The following SYT9 variants were observed in gnomAD, a reference collection of about 807,000 sequenced individuals.
The protein encoded by SYT9 is synaptotagmin-9.
Under a neutral mutation model 48.4 loss-of-function variants are expected in SYT9, and 22 were observed. The observed-to-expected ratio is 0.45, with a 90% CI of 0.32 to 0.65. The LOEUF is 0.65. SYT9 is among the 30% of genes least tolerant of loss of function. SYT9 has a pLI of 0.03. For synonymous variants in SYT9, 265 were observed against 245.0 expected (o/e 1.08, Z -0.76); for missense variants, 577 against 622.0 (o/e 0.93, Z 0.77).
upstream of SYT9, among the ~76,000 whole-genome samples, chr11:7,251,680 G>A (rs144715289): frequency 1.5e-3 from 229 of 152,300 alleles, no homozygotes; most frequent in African/African-American, 4.9e-3. Flanking sequence ...GAGGGGTGGA[G>A]TAGCGAAAGC....
chr11:7,387,055 A>T (rs1266981053), intron 3 of SYT9, among the ~76,000 whole-genome samples: 1 of 152,206 alleles, frequency 6.6e-6, no homozygotes, highest in African/African-American at 2.4e-5. Flanking sequence ...AGGACAAAAA[A>T]CCAAACACTG....
intron 1 of SYT9, among the ~76,000 whole-genome samples, chr11:7,246,791 A>T (rs1264823114): frequency 6.6e-6 from 1 of 152,178 alleles, no homozygotes; most frequent in African/African-American, 2.4e-5. Flanking sequence ...TGCTGTGCTC[A>T]TTTGTGGGCT....
At chr11:7,426,768 T>G (rs557871475) in intron 6 of SYT9, among the ~76,000 whole-genome samples, 1 of 152,242 alleles carries the variant, frequency 6.6e-6, no homozygotes, top group African/African-American at 2.4e-5. Context: ...GTGGAAACAA[T>G]ATATATCTTA....
At chr11:7,406,921 A>G (rs1456405153) in intron 3 of SYT9, among the ~76,000 whole-genome samples, 4 of 151,966 alleles carry the variant, frequency 2.6e-5, no homozygotes, top group Non-Finnish European at 2.9e-5. Context: ...ATGTGGTTTT[A>G]TTTTGCATTT....
intron 3 of SYT9, among the ~76,000 whole-genome samples, chr11:7,343,292 T>C (rs927350303): frequency 1.3e-5 from 2 of 152,220 alleles, no homozygotes; most frequent in African/African-American, 4.8e-5. Context: ...TTCCAAACTT[T>C]TATGCTGTGT....
At chr11:7,314,961 G>T (rs1048695223) in intron 3 of SYT9, among the ~76,000 whole-genome samples, 2 of 152,172 alleles carry the variant, frequency 1.3e-5, no homozygotes, top group Non-Finnish European at 2.9e-5. Context: ...ACCTGCACCA[G>T]TACCCTCTTA....
chr11:7,449,257 T>G (rs745530850), intron 6 of SYT9, among the ~76,000 whole-genome samples: 33 of 143,506 alleles, frequency 2.3e-4, no homozygotes, highest in Non-Finnish European at 4.6e-4. Context: ...GGCACGAGAA[T>G]TGCTTGAACC....
At chr11:7,357,265 C>G (rs1850038708) in intron 3 of SYT9, among the ~76,000 whole-genome samples, 1 of 152,114 alleles carries the variant, frequency 6.6e-6, no homozygotes, top group South Asian at 2.1e-4. Flanking sequence ...AAAAATAACC[C>G]TTTACCTATT....
At chr11:7,330,206 G>T (rs1348118790) in intron 3 of SYT9, among the ~76,000 whole-genome samples, 1 of 152,074 alleles carries the variant, frequency 6.6e-6, no homozygotes, top group Non-Finnish European at 1.5e-5. Flanking sequence ...ATGCTACTCA[G>T]CAATGAAAGG....
At chr11:7,379,682 C>T (rs1270399615) in intron 3 of SYT9, among the ~76,000 whole-genome samples, 1 of 152,110 alleles carries the variant, frequency 6.6e-6, no homozygotes, top group Non-Finnish European at 1.5e-5. Flanking sequence ...AATAGTTCCT[C>T]ATTACTCCTT....
intron 6 of SYT9, chr11:7,438,224 A>C (rs1847751355): frequency 6.6e-6 from 1 of 152,188 alleles, no homozygotes. Context: ...GAAATACGGA[A>C]ATCCTTCCCA....
chr11:7,316,042 T>A (rs982059127), intron 3 of SYT9, among the ~76,000 whole-genome samples: 10 of 136,660 alleles, frequency 7.3e-5, no homozygotes, highest in Non-Finnish European at 3.1e-5. Flanking sequence ...CATTCCATTT[T>A]AAAAAATGTT....
At chr11:7,268,873 A>G (rs1388944656) in intron 1 of SYT9, among the ~76,000 whole-genome samples, 1 of 152,086 alleles carries the variant, frequency 6.6e-6, no homozygotes, top group East Asian at 1.9e-4. Flanking sequence ...AAGTTTCCTC[A>G]TATCCATTCT....
rs554705762 is a variant in SYT9 at position 7,429,888 on chromosome 11, A to G, written c.1467+9253A>G. Among the ~76,000 whole-genome samples, 5 of 152,340 alleles carry G rather than the reference A, an allele frequency of 3.3e-5. No homozygotes were observed. The East Asian group carries it at 9.6e-4, about 29-fold the overall frequency. ...CAAATATTATATAAGGTTAAGAAAAAAACTATTTTCCTTTTGCATTTATAT... is the reference window on the plus strand; with the variant it reads ...CAAATATTATATAAGGTTAAGAAAAGAACTATTTTCCTTTTGCATTTATAT... On this transcript the variant is annotated intron_variant, in intron 6 of 6. Transcript: ENST00000318881.
chr11:7,270,500 A>T (rs1438428387), intron 1 of SYT9, among the ~76,000 whole-genome samples: 1 of 152,184 alleles, frequency 6.6e-6, no homozygotes, highest in Non-Finnish European at 1.5e-5. Flanking sequence ...TCATTTTTCT[A>T]AATGCTAATC....
intron 3 of SYT9, among the ~76,000 whole-genome samples, chr11:7,315,373 T>C (rs551697475): frequency 2.6e-5 from 4 of 152,286 alleles, no homozygotes; most frequent in African/African-American, 7.2e-5. Context: ...TATACAAAGA[T>C]ACGAATGGCT....
intron 6 of SYT9, chr11:7,437,555 C>T (rs1847734395): frequency 6.6e-6 from 1 of 151,982 alleles, no homozygotes; most frequent in South Asian, 2.1e-4. Flanking sequence ...TATTTGGATC[C>T]AGTGTGGGAG....
intron 3 of SYT9, among the ~76,000 whole-genome samples, chr11:7,388,076 G>A (rs181460804): frequency 1.2e-4 from 18 of 152,154 alleles, no homozygotes; most frequent in South Asian, 1.0e-3. Flanking sequence ...CACATATTGC[G>A]TTTACTTCTT....
chr11:7,246,519 T>C (rs995114313), intron 1 of SYT9, among the ~76,000 whole-genome samples: 1 of 152,226 alleles, frequency 6.6e-6, no homozygotes, highest in Admixed American at 6.5e-5. Flanking sequence ...CCATGTACTT[T>C]TTAATCCTGT....
Sources: gnomAD v4.1 joint callset for allele counts (sites outside exome capture counted in the v4.1 genomes callset) on GRCh38, gnomAD v4.1.1 for gene constraint, MANE v1.5 for transcripts, NCBI Gene and HGNC (gene_info 2026-07-23, HGNC 2026-07-21) for gene names.